The following GTF2IRD1 variants were observed in gnomAD, a reference collection of about 807,000 sequenced individuals.
GTF2IRD1 encodes the protein GTF2I repeat domain containing 1.
A neutral mutation model predicts 113.2 loss-of-function variants in GTF2IRD1; 26 were observed. The observed-to-expected ratio is 0.23, with a 90% CI of 0.17 to 0.32. The LOEUF is 0.32. Among genes scored for constraint, GTF2IRD1 ranks in the 10% least tolerant of loss-of-function variants. GTF2IRD1 has a pLI of 1.00. For synonymous variants in GTF2IRD1, 484 were observed against 529.1 expected (o/e 0.91, Z 1.17); for missense variants, 864 against 1,280.8 (o/e 0.67, Z 4.97).
chr7:74,526,654 G>A (rs1211981825), intron 8 of GTF2IRD1, among the ~76,000 whole-genome samples: 1 of 152,138 alleles, frequency 6.6e-6, no homozygotes, highest in Non-Finnish European at 1.5e-5. Flanking sequence ...GGGTTCGGGG[G>A]TTGGCCCTCT....
At chr7:74,483,876 T>C (rs1554335123) in intron 1 of GTF2IRD1, among the ~76,000 whole-genome samples, 1 of 152,032 alleles carries the variant, frequency 6.6e-6, no homozygotes, top group East Asian at 1.9e-4. Flanking sequence ...AAAAATCTTA[T>C]TTACCAACTT....
In GTF2IRD1 at chr7:74,512,920, A is replaced by G; in HGVS notation, c.214A>G (p.Met72Val). 1 of 1,614,098 alleles carries G rather than the reference A, an allele frequency of 6.2e-7. No individual in the cohort carries two copies. The highest frequency in any genetic ancestry group is 8.5e-7 in the Non-Finnish European group (1 of 1,179,980). The change falls in exon 3 of 27, where the codon ATG becomes GTG. Residue 72 changes from methionine to valine, a missense_variant. Met to Val is a conservative substitution (Grantham distance 21, BLOSUM62 1). This residue lies in a region of GTF2IRD1 where 182 missense variants were observed against 266.6 expected (regional missense o/e 0.68). Coordinates refer to ENST00000424337, the MANE Select transcript of GTF2IRD1 (RefSeq NM_005685.4). This position sits in a 1 kb window ranked among gnomAD's most constrained non-coding sequence, Gnocchi z 4.4. ...TGTGGTGGGCACAGAGAAGGGGAGAATGTTCCTGAATGCCCGGAAGGAGCT... is the reference window on the plus strand; with the variant it reads ...TGTGGTGGGCACAGAGAAGGGGAGAGTGTTCCTGAATGCCCGGAAGGAGCT... ...AFVVGTEKGR[M>V]FLNARKELQS...
chr7:74,581,368 GCCC>G (rs1801411484), intron 22 of GTF2IRD1, among the ~76,000 whole-genome samples: 1 of 152,218 alleles, frequency 6.6e-6, no homozygotes, highest in African/African-American at 2.4e-5. Context: ...TCAGGGACTT[GCCC>G]AGGGTCGCGA....
chr7:74,538,533 G>A (rs1305411315), intron 12 of GTF2IRD1, 147 bp from the exon 13 acceptor site: 5 of 741,562 alleles, frequency 6.7e-6, no homozygotes, highest in Non-Finnish European at 1.2e-5. Flanking sequence ...TCCAATTCCA[G>A]TTTGGGCGGA....
intron 1 of GTF2IRD1, among the ~76,000 whole-genome samples, chr7:74,470,469 T>C: frequency 6.6e-6 from 1 of 152,144 alleles, no homozygotes; most frequent in Admixed American, 6.6e-5. Flanking sequence ...AATGGTTGTC[T>C]CTCTGGGTTT....
intron 2 of GTF2IRD1, among the ~76,000 whole-genome samples, chr7:74,510,107 C>A (rs1056263033): frequency 1.3e-5 from 2 of 151,998 alleles, no homozygotes; most frequent in Non-Finnish European, 2.9e-5. Context: ...CGGTGGGAGA[C>A]ACCCCTGGAA....
chr7:74,560,092 C>T lies in GTF2IRD1; in HGVS notation c.2320+437C>T, dbSNP rs186195401. Among the ~76,000 whole-genome samples the T allele has an allele frequency of 2.0e-5, 3 of 152,284 alleles. No individual in the cohort carries two copies. In the East Asian group the frequency reaches 5.8e-4, roughly 29 times the overall value. ...CACTGCGCCCGGCCTAGGCCTCTGCCCTTCTGTTTAGCCACCTTACCTGGG... is the reference window on the plus strand; with the variant it reads ...CACTGCGCCCGGCCTAGGCCTCTGCTCTTCTGTTTAGCCACCTTACCTGGG... On this transcript the variant is annotated intron_variant, in intron 22 of 26. Transcript: ENST00000424337.
At chr7:74,569,816 C>G (rs782261400) in intron 22 of GTF2IRD1, among the ~76,000 whole-genome samples, 8 of 152,042 alleles carry the variant, frequency 5.3e-5, no homozygotes, top group Non-Finnish European at 1.2e-4. Flanking sequence ...TGGTGGTGCT[C>G]GTCTCTAAGG....
At chr7:74,549,950 T>C (rs1398605223) in intron 17 of GTF2IRD1, among the ~76,000 whole-genome samples, 1 of 151,586 alleles carries the variant, frequency 6.6e-6, no homozygotes, top group Non-Finnish European at 1.5e-5. Context: ...GCAGGAGAAT[T>C]GGCTTGAACC....
intron 1 of GTF2IRD1, among the ~76,000 whole-genome samples, chr7:74,469,135 G>GAGTA (rs1454193328): frequency 1.3e-5 from 2 of 151,758 alleles, no homozygotes; most frequent in Non-Finnish European, 2.9e-5. Flanking sequence ...GGGTACTTAT[G>GAGTA]AGTAGGTATT....
At chr7:74,524,007 C>A in intron 7 of GTF2IRD1, 64 bp from the exon 8 acceptor site, 2 of 1,162,254 alleles carry the variant, frequency 1.7e-6, no homozygotes, top group Non-Finnish European at 2.5e-6. Flanking sequence ...GTGGTCATGG[C>A]CGGTGGAGGG....
At chr7:74,463,626 C>T (rs1240287775) in intron 1 of GTF2IRD1, among the ~76,000 whole-genome samples, 1 of 152,126 alleles carries the variant, frequency 6.6e-6, no homozygotes, top group Non-Finnish European at 1.5e-5. Context: ...ACCACAGAGC[C>T]CTGGAGGGCC....
chr7:74,530,517 A>C (rs1315155958), intron 9 of GTF2IRD1, among the ~76,000 whole-genome samples: 3 of 120,736 alleles, frequency 2.5e-5, no homozygotes, highest in African/African-American at 9.9e-5. Context: ...TTTTTTTTGA[A>C]TAGAGATGGG....
At chr7:74,489,976 G>T (rs67187370) in intron 1 of GTF2IRD1, among the ~76,000 whole-genome samples, 26,481 of 151,438 alleles carry the variant, frequency 0.17, 3,006 homozygotes, top group African/African-American at 0.32. Context: ...GATTTTTTTT[G>T]TGTGTGTGTG....
At chr7:74,564,469 G>A (rs587632102) in intron 22 of GTF2IRD1, among the ~76,000 whole-genome samples, 2 of 152,330 alleles carry the variant, frequency 1.3e-5, no homozygotes, top group South Asian at 4.1e-4. Context: ...AGATGACTCA[G>A]GCCAGACGTG....
At chr7:74,537,260 A>T (rs587754063) in intron 11 of GTF2IRD1, among the ~76,000 whole-genome samples, 15 of 152,240 alleles carry the variant, frequency 9.9e-5, no homozygotes, top group South Asian at 6.2e-4. Context: ...AAATACAAAA[A>T]AAATTAGCCA....
In GTF2IRD1 at chr7:74,534,997, G is replaced by C. The variant is rs967566472; in HGVS notation, c.1275-116G>C. On this transcript the variant is annotated intron_variant, in intron 9 of 26. Coordinates refer to ENST00000424337, the MANE Select transcript of GTF2IRD1 (RefSeq NM_005685.4). ...TGTCTGCCGGATGCCCAGGTCTGTA[G>C]CTGTGCATGTGTCACTCAGTGACCA... is the stretch of plus-strand genomic sequence containing the variant. 56 of 821,892 alleles carry C rather than the reference G, an allele frequency of 6.8e-5. 1 individual carries two copies. The Admixed American group carries it at 7.1e-4, about 10-fold the overall frequency. 50.9% of individuals were successfully genotyped at this position (821,892 alleles called of 1,614,324 possible).
chr7:74,515,306 TC>T, intron 3 of GTF2IRD1, 134 bp from the exon 4 acceptor site: 1 of 1,505,494 alleles, frequency 6.6e-7, no homozygotes, highest in Non-Finnish European at 8.9e-7. Context: ...CATTAATTCT[TC>T]ATTCATTCAT....
chr7:74,502,362 C>G (rs1168495005), intron 1 of GTF2IRD1, among the ~76,000 whole-genome samples: 1 of 152,164 alleles, frequency 6.6e-6, no homozygotes, highest in Non-Finnish European at 1.5e-5. Context: ...CGGTCAGAAC[C>G]AGCTAGTGGG....
Sources: gnomAD v4.1 joint callset for allele counts (sites outside exome capture counted in the v4.1 genomes callset) on GRCh38, gnomAD v4.1.1 for gene constraint, gnomAD v4.1.1 regional missense constraint, Gnocchi (gnomAD v3.1) non-coding constraint, MANE v1.5 for transcripts, NCBI Gene and HGNC (gene_info 2026-07-23, HGNC 2026-07-21) for gene names.